XKR6: variants seen among roughly 807,000 people sequenced by gnomAD.
XKR6 encodes the protein XK-related protein 6.
In XKR6, 22 loss-of-function variants were observed where a neutral mutation model predicts 56.7. The ratio of observed to expected loss-of-function variants is 0.39; its 90% CI spans 0.28 to 0.55. The LOEUF is 0.55. XKR6 is among the 20% of genes least tolerant of loss of function. The probability of loss-of-function intolerance (pLI) is 0.66; values close to 1 mark genes in which losing one functional copy is unlikely to be tolerated. For missense variants in XKR6, 852 were observed against 889.0 expected, an observed-to-expected ratio of 0.96 and a Z score of 0.53; for synonymous variants, 524 against 387.8, an observed-to-expected ratio of 1.35 and a Z score of -4.13.
intron 1 of XKR6, among the ~76,000 whole-genome samples, chr8:11,140,186 G>A (rs1800619028): frequency 6.6e-6 from 1 of 151,118 alleles, no homozygotes; most frequent in Non-Finnish European, 1.5e-5. Flanking sequence ...ACTAAAGACA[G>A]GCAAAGAATA....
Position 11,078,984 on chromosome 8 carries a change from T to G in XKR6, c.764+121592A>C, listed in dbSNP as rs564094394. ...GGGACCTGGGTCACCTCAGGACCAC[T>G]CCGGGGCGAGGAAGAAGGAGCAAGA... On this transcript the variant is annotated intron_variant, in intron 1 of 2. Coordinates refer to ENST00000416569, the MANE Select transcript of XKR6 (RefSeq NM_173683.4). 1.2e-4 allele frequency among the ~76,000 whole-genome samples: 19 copies of G among 152,240 alleles called. No homozygotes were observed. The South Asian group carries it at 3.9e-3, about 32-fold the overall frequency.
intron 1 of XKR6, among the ~76,000 whole-genome samples, chr8:10,953,825 A>C (rs1415899111): frequency 6.6e-6 from 1 of 152,198 alleles, no homozygotes; most frequent in Non-Finnish European, 1.5e-5. Flanking sequence ...CTGTTCTTCC[A>C]TTCCACCACA....
At chr8:11,153,565 T>G (rs1801361441) in intron 1 of XKR6, among the ~76,000 whole-genome samples, 1 of 152,264 alleles carries the variant, frequency 6.6e-6, no homozygotes, top group Non-Finnish European at 1.5e-5. Flanking sequence ...AACAGATTTC[T>G]TTTTTCAAAT....
At chr8:11,109,045 T>C (rs548223047) in intron 1 of XKR6, 2 of 152,340 alleles carry the variant, frequency 1.3e-5, no homozygotes, top group Non-Finnish European at 2.9e-5. Context: ...ATTTCTGAAT[T>C]CTCAGTGATA....
rs533865488 is a variant in XKR6, at chr8:10,988,649, G to A, written c.765-63819C>T. 7.9e-5 allele frequency among the ~76,000 whole-genome samples: 12 copies of A among 152,322 alleles called. No individual in the cohort carries two copies. In the South Asian group the frequency reaches 2.5e-3, roughly 32 times the overall value. On this transcript the variant is annotated intron_variant, in intron 1 of 2. Coordinates refer to ENST00000416569, the MANE Select transcript of XKR6 (RefSeq NM_173683.4). Reference sequence around the variant, plus strand: ...CTGACAAGGGCACACCCCTGGGCCTGTCTGGGACATGTCACCTGCTCAGAG... The same window carrying A: ...CTGACAAGGGCACACCCCTGGGCCTATCTGGGACATGTCACCTGCTCAGAG...
intron 1 of XKR6, among the ~76,000 whole-genome samples, chr8:10,970,910 G>C (rs568156806): frequency 5.5e-4 from 84 of 151,608 alleles, no homozygotes; most frequent in Non-Finnish European, 1.0e-3. Context: ...GCCAGGAAGA[G>C]GTCTCTCTCC....
At chr8:10,940,107 T>A (rs1302262796) in intron 1 of XKR6, among the ~76,000 whole-genome samples, 1 of 152,218 alleles carries the variant, frequency 6.6e-6, no homozygotes, top group East Asian at 1.9e-4. Context: ...GTCACTGGCA[T>A]GGCCCCTCAT....
intron 1 of XKR6, among the ~76,000 whole-genome samples, chr8:11,126,320 C>A (rs368720542): frequency 6.6e-6 from 1 of 152,132 alleles, no homozygotes; most frequent in Non-Finnish European, 1.5e-5. Context: ...CCCACCTCGG[C>A]CTCCCAAAGT....
chr8:10,928,281 G>T (rs1044196508), intron 1 of XKR6, among the ~76,000 whole-genome samples: 7 of 152,204 alleles, frequency 4.6e-5, no homozygotes. Context: ...TGCCTCTCAT[G>T]CAGGAGGATC....
At chr8:10,977,981 A>C (rs556788257) in intron 1 of XKR6, among the ~76,000 whole-genome samples, 84 of 152,264 alleles carry the variant, frequency 5.5e-4, no homozygotes, top group Non-Finnish European at 9.8e-4. Flanking sequence ...ACATGTCTCC[A>C]GCTTTCAGGT....
chr8:11,075,315 G>A (rs1454581077), intron 1 of XKR6, among the ~76,000 whole-genome samples: 3 of 152,126 alleles, frequency 2.0e-5, no homozygotes, highest in South Asian at 2.1e-4. Flanking sequence ...TCTGCCCTCC[G>A]AGCAATCCCT....
Position 11,184,705 on chromosome 8 carries a change from TCA to T in XKR6, c.764+15869_764+15870del, listed in dbSNP as rs566701643. ...TATAAGGAATTTCTATAGTTTTTTTTCACTTTTGTAGATACGGGAATTCACTA... is the reference window on the plus strand; with the variant it reads ...TATAAGGAATTTCTATAGTTTTTTTTCTTTTGTAGATACGGGAATTCACTA... On this transcript the variant is annotated intron_variant, in intron 1 of 2. Transcript: ENST00000416569. Among the ~76,000 whole-genome samples, 231 of 152,346 alleles carry T rather than the reference TCA, an allele frequency of 1.5e-3. 1 individual carries two copies. Among genetic ancestry groups the T allele is most frequent in the Admixed American group, 2.9e-3 (44 of 15,306 alleles).
intron 1 of XKR6, among the ~76,000 whole-genome samples, chr8:11,050,595 A>ATT: frequency 6.6e-6 from 1 of 151,872 alleles, no homozygotes; most frequent in African/African-American, 2.4e-5. Context: ...AAAGAGAGAG[A>ATT]GAACCTGACT....
chr8:11,134,818 G>C (rs760619649), intron 1 of XKR6, among the ~76,000 whole-genome samples: 17 of 151,748 alleles, frequency 1.1e-4, no homozygotes, highest in Non-Finnish European at 2.2e-4. Context: ...AATTAGAAAA[G>C]GCCTAAATGA....
intron 1 of XKR6, among the ~76,000 whole-genome samples, chr8:11,136,317 G>C (rs1283875665): frequency 6.6e-6 from 1 of 152,160 alleles, no homozygotes; most frequent in African/African-American, 2.4e-5. Flanking sequence ...TTCAAGACCA[G>C]CCTGACCAAC....
intron 1 of XKR6, among the ~76,000 whole-genome samples, chr8:10,965,456 A>G (rs1164245346): frequency 1.3e-5 from 2 of 152,236 alleles, no homozygotes; most frequent in Non-Finnish European, 2.9e-5. Flanking sequence ...TGCACCTAGC[A>G]TGGCACCTCG....
At chr8:11,148,630 A>ACCTTAAACATATACCTATCATATGAT (rs1801114076) in intron 1 of XKR6, among the ~76,000 whole-genome samples, 1 of 152,172 alleles carries the variant, frequency 6.6e-6, no homozygotes, top group Non-Finnish European at 1.5e-5. Context: ...GTTTTTTAAA[A>ACCTTAAACATATACCTATCATATGAT]CCTTAAACAT....
chr8:10,945,349 T>G (rs950030165), intron 1 of XKR6, among the ~76,000 whole-genome samples: 2 of 152,102 alleles, frequency 1.3e-5, no homozygotes, highest in Non-Finnish European at 2.9e-5. Flanking sequence ...CTGGGCATGG[T>G]GGTGCACACT....
At chr8:10,999,053 G>T (rs542359677) in intron 1 of XKR6, among the ~76,000 whole-genome samples, 1 of 152,322 alleles carries the variant, frequency 6.6e-6, no homozygotes, top group South Asian at 2.1e-4. Flanking sequence ...ATGCTTGGAA[G>T]AAAACAGAAA....
Sources: allele counts gnomAD v4.1 joint callset (sites outside exome capture counted in the v4.1 genomes callset), GRCh38; gene constraint gnomAD v4.1.1; transcripts MANE v1.5; gene names NCBI Gene and HGNC (gene_info 2026-07-23, HGNC 2026-07-21).